The following PI4KA variants were observed in gnomAD, a reference collection of about 807,000 sequenced individuals.
PI4KA encodes phosphatidylinositol 4-kinase alpha.
A neutral mutation model predicts 271.4 loss-of-function variants in PI4KA; 122 were observed. That is an observed-to-expected ratio of 0.45 (90% CI 0.39 to 0.52). PI4KA has a LOEUF of 0.52. PI4KA is among the 20% of genes least tolerant of loss of function. The probability of loss-of-function intolerance (pLI) is 0.00; values close to 1 mark genes in which losing one functional copy is unlikely to be tolerated. For missense variants in PI4KA, 1,969 were observed against 2,769.1 expected (o/e 0.71, Z 6.48); for synonymous variants, 1,041 against 1,078.8 (o/e 0.96, Z 0.69).
At position 20,752,968 on chromosome 22, in the gene PI4KA, G is replaced by A. The variant is rs1218482922; in HGVS notation, c.2922C>T (p.Asn974=). 6.2e-7 allele frequency: 1 copy of A among 1,614,212 alleles called. No homozygotes were observed. The change falls in exon 25 of 55, where the codon AAC becomes AAT. Residue 974 remains asparagine, a synonymous_variant. Transcript: ENST00000255882. ...TTATCCTCTTGTGGATGTGGTTGAA[G>A]TTCACCAACAGGAACTGAGCGTGCC... ...LERHAQFLLV[N]FNHIHKRIRR... is the part of the protein sequence containing the mutation.
intron 45 of PI4KA, among the ~76,000 whole-genome samples, chr22:20,715,248 T>C (rs1925838429): frequency 6.6e-6 from 1 of 151,782 alleles, no homozygotes; most frequent in African/African-American, 2.4e-5. Flanking sequence ...TTTTTGTATT[T>C]TTAGTAGAGA....
chr22:20,771,307 C>T (rs556322970), intron 19 of PI4KA, among the ~76,000 whole-genome samples: 63 of 151,968 alleles, frequency 4.1e-4, no homozygotes, highest in Non-Finnish European at 7.6e-4. Flanking sequence ...CCTGTAGTCC[C>T]AGCTACTAGG....
intron 2 of PI4KA, among the ~76,000 whole-genome samples, chr22:20,836,468 G>C (rs165860): frequency 0.49 from 74,111 of 152,080 alleles, 18,577 homozygotes; most frequent in African/African-American, 0.59. Context: ...CATAAGGCCT[G>C]AACCACATGG....
intron 9 of PI4KA, among the ~76,000 whole-genome samples, chr22:20,810,387 T>C (rs991542731): frequency 2.6e-5 from 4 of 151,822 alleles, no homozygotes; most frequent in African/African-American, 9.7e-5. Flanking sequence ...AGGGTGCCTG[T>C]AGTCCCAGCT....
At position 20,711,754 on chromosome 22, in the gene PI4KA, G is replaced by T. The variant is rs578181199; in HGVS notation, c.5803-293C>A. On this transcript the variant is annotated intron_variant, in intron 50 of 54. Coordinates refer to ENST00000255882, the MANE Select transcript of PI4KA (RefSeq NM_058004.4). ...CAAAGTGGCTTACAGATGCCCTGGT[G>T]TTTTTTTTTTAAATGGAGTCTCGCT... Among the ~76,000 whole-genome samples the T allele has an allele frequency of 2.7e-5, 4 of 150,266 alleles. No homozygotes were observed. In the East Asian group the frequency reaches 7.8e-4, roughly 29 times the overall value.
intron 27 of PI4KA, among the ~76,000 whole-genome samples, chr22:20,750,825 C>G (rs1329230912): frequency 1.3e-5 from 2 of 152,164 alleles, no homozygotes; most frequent in Non-Finnish European, 2.9e-5. Flanking sequence ...GAGGAGAGAC[C>G]CAGTACATCC....
chr22:20,780,489 T>C (rs1467754061), intron 19 of PI4KA, among the ~76,000 whole-genome samples: 5 of 152,142 alleles, frequency 3.3e-5, no homozygotes, highest in African/African-American at 1.2e-4. Flanking sequence ...AAGGATGGGC[T>C]GGGCGCGGTG....
intron 19 of PI4KA, among the ~76,000 whole-genome samples, chr22:20,790,651 A>G (rs1934567339): frequency 1.3e-5 from 2 of 151,110 alleles, no homozygotes; most frequent in African/African-American, 2.4e-5. Flanking sequence ...ACAGAGTGAG[A>G]CTCTGTCTCA....
intron 1 of PI4KA, among the ~76,000 whole-genome samples, chr22:20,852,913 A>T (rs370803944): frequency 7.9e-5 from 12 of 152,208 alleles, no homozygotes; most frequent in East Asian, 3.8e-4. Context: ...AGGAGGGTTC[A>T]GCCTGTCCCT....
intron 4 of PI4KA, among the ~76,000 whole-genome samples, chr22:20,821,782 G>T (rs1022705109): frequency 1.3e-5 from 2 of 151,822 alleles, no homozygotes; most frequent in African/African-American, 4.8e-5. Flanking sequence ...GTAGAGACGG[G>T]GTTTCTCCAT....
chr22:20,765,380 T>C, intron 20 of PI4KA, 144 bp from the exon 21 acceptor site: 1 of 924,442 alleles, frequency 1.1e-6, no homozygotes, highest in Non-Finnish European at 1.7e-6. Context: ...TTACCTGACT[T>C]GGACAGACTT....
At chr22:20,747,489 G>A (rs543734165) in intron 29 of PI4KA, 94 bp downstream of exon 29, 19 of 1,354,980 alleles carry the variant, frequency 1.4e-5, no homozygotes, top group South Asian at 9.3e-5. Flanking sequence ...ACTCATGTGC[G>A]TCATGAAAAG....
chr22:20,765,037 C>A (rs1480566916), intron 21 of PI4KA, 63 bp downstream of exon 21: 2 of 1,581,548 alleles, frequency 1.3e-6, no homozygotes, highest in Admixed American at 1.7e-5. Flanking sequence ...TTAATAATGA[C>A]AGTGAAAAGA....
intron 30 of PI4KA, 94 bp from the exon 31 acceptor site, chr22:20,742,858 G>GT (rs1217588999): frequency 8.6e-7 from 1 of 1,168,400 alleles, no homozygotes; most frequent in Non-Finnish European, 1.3e-6. Flanking sequence ...GGTGGCACTG[G>GT]TGGGTGCCTC....
intron 19 of PI4KA, among the ~76,000 whole-genome samples, chr22:20,777,033 GTTT>G (rs940118924): frequency 1.6e-4 from 17 of 108,732 alleles, no homozygotes; most frequent in African/African-American, 6.8e-4. Flanking sequence ...ACAAAAGGCA[GTTT>G]TTTTTTGTTT....
Position 20,707,998 on chromosome 22 carries a change from G to A in PI4KA, c.*49C>T. The A allele has an allele frequency of 6.8e-7, 1 of 1,474,736 alleles. No homozygotes were observed. The highest frequency in any genetic ancestry group is 9.5e-7 in the Non-Finnish European group (1 of 1,053,574). 91.4% of individuals were successfully genotyped at this position (1,474,736 alleles called of 1,614,324 possible). On this transcript the variant is annotated 3_prime_UTR_variant, in exon 55 of 55. Coordinates refer to ENST00000255882, the MANE Select transcript of PI4KA (RefSeq NM_058004.4). ...GGAGGTCGCAGGGCTCCATGATTGT[G>A]GGACAGCTTTGAGGGCACATGGGGC...
At chr22:20,831,574 C>CAAACAAAA (rs982648420) in intron 3 of PI4KA, among the ~76,000 whole-genome samples, 160 of 143,048 alleles carry the variant, frequency 1.1e-3, no homozygotes, top group African/African-American at 4.2e-3. Context: ...TCTCAAAACA[C>CAAACAAAA]AAACAAAAAC....
In PI4KA at chr22:20,709,361, G is replaced by A; in HGVS notation, c.6192C>T (p.Asn2064=). The A allele has an allele frequency of 7.3e-7, 1 of 1,362,894 alleles. No individual in the cohort carries two copies. The highest frequency in any genetic ancestry group is 1.2e-5 in the South Asian group (1 of 83,934). The allele number at this position is 1,362,894 out of a possible 1,614,324, so 84.4% of individuals were successfully genotyped here. The change falls in exon 54 of 55, where the codon AAC becomes AAT. Residue 2064 remains asparagine (N), a synonymous_variant. Transcript: ENST00000255882. ...IKLLKHRFSP[N]MTEREAANFI... The stretch of plus-strand genomic sequence containing the variant: ...AATTTGCAGCCTCGCGCTCAGTCAT[G>A]TTGGGGCTAAACCTGTGCCTGGGGG...
At chr22:20,838,274 C>T (rs1925132867) in intron 2 of PI4KA, among the ~76,000 whole-genome samples, 1 of 152,160 alleles carries the variant, frequency 6.6e-6, no homozygotes, top group Non-Finnish European at 1.5e-5. Context: ...GACTGATAAG[C>T]ATTTTACCTG....
Sources: allele counts gnomAD v4.1 joint callset (sites outside exome capture counted in the v4.1 genomes callset), GRCh38; gene constraint gnomAD v4.1.1; transcripts MANE v1.5; gene names NCBI Gene and HGNC (gene_info 2026-07-23, HGNC 2026-07-21).